The following ABCA13 variants were observed in gnomAD, a reference collection of about 807,000 sequenced individuals.
The protein encoded by ABCA13 is ATP binding cassette subfamily A member 13.
A neutral mutation model predicts 478.7 loss-of-function variants in ABCA13; 476 were observed. The ratio of observed to expected loss-of-function variants is 0.99; its 90% CI spans 0.92 to 1.07. ABCA13 has a LOEUF of 1.07. Among genes scored for constraint, ABCA13 ranks in the 50% least tolerant of loss-of-function variants. The pLI is 0.00. For synonymous variants in ABCA13, 2,252 were observed against 2,158.9 expected, an observed-to-expected ratio of 1.04 and a Z score of -1.20; for missense variants, 6,060 against 5,910.6, an observed-to-expected ratio of 1.03 and a Z score of -0.83.
chr7:48,397,341 A>G (rs1816974295), intron 38 of ABCA13, among the ~76,000 whole-genome samples: 1 of 152,170 alleles, frequency 6.6e-6, no homozygotes, highest in Non-Finnish European at 1.5e-5. Flanking sequence ...GGAGCACAGC[A>G]AGTTCTGAAC....
chr7:48,524,137 G>T, intron 53 of ABCA13, 111 bp from the exon 54 acceptor site: 1 of 990,758 alleles, frequency 1.0e-6, no homozygotes, highest in Non-Finnish European at 1.5e-6. Context: ...CTGCCCAGAA[G>T]TCCGAAGGTG....
intron 1 of ABCA13, among the ~76,000 whole-genome samples, chr7:48,175,391 C>T (rs779429843): frequency 3.7e-4 from 56 of 151,998 alleles, no homozygotes; most frequent in Non-Finnish European, 5.4e-4. Flanking sequence ...ATTCAATATT[C>T]TCCTTGTAGC....
rs6949475 is a variant in ABCA13, at chr7:48,505,836, G to A, written c.13292-500G>A. ...TTGGCCGCTGGCATCACACACATGC[G>A]CAAGCCCAAGAAAGCAAACAAAGCA... On this transcript the variant is annotated intron_variant, in intron 48 of 61. Transcript: ENST00000435803. Among the ~76,000 whole-genome samples, 992 of 152,228 alleles carry A rather than the reference G, an allele frequency of 6.5e-3. 9 individuals are homozygous for A. Among genetic ancestry groups the A allele is most frequent in the African/African-American group, 0.023 (943 of 41,552 alleles).
intron 27 of ABCA13, among the ~76,000 whole-genome samples, chr7:48,328,018 G>A (rs1804592062): frequency 6.6e-6 from 1 of 152,194 alleles, no homozygotes; most frequent in Non-Finnish European, 1.5e-5. Context: ...AATAAGCACA[G>A]GCTATTGCTA....
intron 55 of ABCA13, among the ~76,000 whole-genome samples, chr7:48,545,545 A>G (rs754120087): frequency 6.6e-6 from 1 of 151,678 alleles, no homozygotes; most frequent in African/African-American, 2.4e-5. Context: ...GGATGGTCTC[A>G]CAGCTCATAT....
intron 59 of ABCA13, among the ~76,000 whole-genome samples, chr7:48,618,675 T>C (rs2131582738): frequency 6.6e-6 from 1 of 152,234 alleles, no homozygotes; most frequent in Admixed American, 6.5e-5. Flanking sequence ...GCCTAGGATC[T>C]GCTACTTTGA....
chr7:48,633,947 G>GATAC (rs1794411780), intron 59 of ABCA13, among the ~76,000 whole-genome samples: 1 of 139,776 alleles, frequency 7.2e-6, no homozygotes, highest in African/African-American at 2.9e-5. Flanking sequence ...TAGATAGATA[G>GATAC]ATAGATAGAT....
chr7:48,296,675 GA>G, intron 21 of ABCA13, among the ~76,000 whole-genome samples: 2 of 152,102 alleles, frequency 1.3e-5, no homozygotes, highest in East Asian at 3.9e-4. Context: ...TGTTAGCCAG[GA>G]TGGTCTCCAT....
chr7:48,563,026 T>C (rs1176201059), intron 55 of ABCA13, among the ~76,000 whole-genome samples: 1 of 152,082 alleles, frequency 6.6e-6, no homozygotes, highest in Non-Finnish European at 1.5e-5. Flanking sequence ...TATATATATG[T>C]CTTGTGATAT....
At chr7:48,471,401 C>T in intron 44 of ABCA13, 129 bp from the exon 45 acceptor site, 1 of 789,010 alleles carries the variant, frequency 1.3e-6, no homozygotes, top group Non-Finnish European at 2.1e-6. Context: ...TGTAAGAGCT[C>T]TGCCTTCTCG....
At chr7:48,319,614 T>G (rs1301068003) in intron 27 of ABCA13, among the ~76,000 whole-genome samples, 1 of 152,200 alleles carries the variant, frequency 6.6e-6, no homozygotes, top group Admixed American at 6.5e-5. Context: ...CATCTGAAGT[T>G]GCCATTTTTG....
intron 15 of ABCA13, among the ~76,000 whole-genome samples, chr7:48,251,567 C>G (rs775489521): frequency 9.2e-5 from 14 of 152,082 alleles, no homozygotes; most frequent in Non-Finnish European, 1.5e-4. Flanking sequence ...TGGACAGACC[C>G]TTGCTGGGGG....
At chr7:48,476,626 G>A (rs936435006) in intron 45 of ABCA13, among the ~76,000 whole-genome samples, 21 of 152,282 alleles carry the variant, frequency 1.4e-4, no homozygotes, top group Admixed American at 8.5e-4. Flanking sequence ...TGACCCCATC[G>A]TGGATCCTGC....
chr7:48,273,451 C>G lies in ABCA13; in HGVS notation c.3785C>G (p.Ala1262Gly), dbSNP rs767264948. 1.2e-6 allele frequency: 2 copies of G among 1,612,370 alleles called. No individual in the cohort carries two copies. The highest frequency in any genetic ancestry group is 1.7e-5 in the Admixed American group (1 of 59,736). Residue 1262 changes from alanine to glycine, a missense_variant, in exon 17 of 62, where the codon GCT (alanine) becomes GGT (glycine). Physicochemically the swap from Ala to Gly is moderately conservative, Grantham distance 60. Coordinates refer to ENST00000435803, the MANE Select transcript of ABCA13 (RefSeq NM_152701.5). ...QVEKSLFTME[A>G]ALHQLKTFPF... The stretch of plus-strand genomic sequence containing the variant: ...GAGAAATCCCTTTTCACCATGGAAG[C>G]TGCCCTGCATCAGTTGAAGACATTT...
At chr7:48,341,081 A>G (rs6974064) in intron 29 of ABCA13, among the ~76,000 whole-genome samples, 1 of 152,072 alleles carries the variant, frequency 6.6e-6, no homozygotes, top group South Asian at 2.1e-4. Flanking sequence ...CCATTTTAGT[A>G]GTTATAAAAC....
At chr7:48,237,012 GTTTTTTTT>G (rs35078208) in intron 8 of ABCA13, among the ~76,000 whole-genome samples, 1 of 130,916 alleles carries the variant, frequency 7.6e-6, no homozygotes, top group Non-Finnish European at 1.6e-5. Flanking sequence ...AGAGGGTAGG[GTTTTTTTT>G]TTTTTTTTTT....
chr7:48,190,941 GT>G (rs926877000), intron 1 of ABCA13, among the ~76,000 whole-genome samples: 55 of 151,872 alleles, frequency 3.6e-4, no homozygotes, highest in African/African-American at 1.3e-3. Context: ...ACCATTTTCT[GT>G]TTTTTATACA....
Position 48,273,009 on chromosome 7 carries a change from A to G in ABCA13, c.3343A>G (p.Ser1115Gly), listed in dbSNP as rs1795828614. ...KHISSVNYST[S>G]EESSFVFPLA... is the part of the protein sequence containing the mutation. ...CATTTCTTCCGTAAATTATTCAACA[A>G]GTGAGGAGTCTTCATTTGTTTTTCC... is the stretch of plus-strand genomic sequence containing the variant. Residue 1115 changes from serine to glycine, a missense_variant, in exon 17 of 62, where the codon AGT becomes GGT. By Grantham distance (56) the Ser-to-Gly change is moderately conservative. Transcript: ENST00000435803. 5 of 1,613,660 alleles carry G rather than the reference A, an allele frequency of 3.1e-6. No individual in the cohort carries two copies. The highest frequency in any genetic ancestry group is 1.1e-5 in the South Asian group (1 of 91,070).
rs1036518252 is a variant in ABCA13, at chr7:48,279,830, G to A, written c.8636G>A (p.Ser2879Asn). 6.3e-7 allele frequency: 1 copy of A among 1,583,648 alleles called. No individual in the cohort carries two copies. The highest frequency in any genetic ancestry group is 8.6e-7 in the Non-Finnish European group (1 of 1,169,132). ...AAAGAGATGATTGACTTTCCTTATA[G>A]TTTCAAACCATTTTTCTGTTTGGAG... Reference protein sequence around the residue: ...TKKEMIDFPYSFKPFFCLEKY... With the variant: ...TKKEMIDFPYNFKPFFCLEKY... The change falls in exon 18 of 62, where the codon AGT (serine) becomes AAT (asparagine). Residue 2879 changes from serine (S) to asparagine (N), a missense_variant. Ser to Asn is a conservative substitution (Grantham distance 46). Around this residue, in one of 3 missense-constraint regions of ABCA13, gnomAD observed 4,423 missense variants for 4,309.1 expected, o/e 1.03. Transcript: ENST00000435803.
Sources: allele counts gnomAD v4.1 joint callset (sites outside exome capture counted in the v4.1 genomes callset), GRCh38; gene constraint gnomAD v4.1.1; regional missense constraint gnomAD v4.1.1; transcripts MANE v1.5; gene names NCBI Gene and HGNC (gene_info 2026-07-23, HGNC 2026-07-21).